The following GPC5 variants were observed in gnomAD, a reference collection of about 807,000 sequenced individuals.
The protein encoded by GPC5 is glypican 5, also known as glypican-5.
Under a neutral mutation model 53.9 loss-of-function variants are expected in GPC5, and 47 were observed. The ratio of observed to expected loss-of-function variants is 0.87; its 90% CI spans 0.69 to 1.11. The LOEUF (loss-of-function observed/expected upper bound fraction) is 1.11. Among genes scored for constraint, GPC5 ranks in the 50% most tolerant of loss-of-function variants. The probability of loss-of-function intolerance (pLI) is 0.00; values close to 1 mark genes in which losing one functional copy is unlikely to be tolerated. For synonymous variants in GPC5, 286 were observed against 263.3 expected, an observed-to-expected ratio of 1.09 and a Z score of -0.84; for missense variants, 748 against 713.1, an observed-to-expected ratio of 1.05 and a Z score of -0.56.
At chr13:92,218,016 TG>T (rs1178229233) in intron 7 of GPC5, among the ~76,000 whole-genome samples, 1 of 150,854 alleles carries the variant, frequency 6.6e-6, no homozygotes, top group African/African-American at 2.4e-5. Flanking sequence ...CTCTAATTCT[TG>T]GGCTCCAGCG....
At chr13:92,263,515 T>C (rs77897789) in intron 7 of GPC5, among the ~76,000 whole-genome samples, 20 of 152,180 alleles carry the variant, frequency 1.3e-4, no homozygotes, top group Non-Finnish European at 2.2e-4. Context: ...CTAAGGATAA[T>C]ATTCCCTTCT....
In GPC5 at chr13:91,784,030, G is replaced by A. The variant is rs983744523; in HGVS notation, c.1280+27610G>A. ...GTCTATAGTGTGGATATAATTTTTA[G>A]GAAGTACTTTAAAACAGAGATATAT... On this transcript the variant is annotated intron_variant, in intron 5 of 7. Coordinates refer to ENST00000377067, the MANE Select transcript of GPC5 (RefSeq NM_004466.6). Among the ~76,000 whole-genome samples the A allele has an allele frequency of 2.1e-4, 32 of 152,204 alleles. No individual in the cohort carries two copies. In the South Asian group the frequency reaches 3.9e-3, roughly 19 times the overall value.
intron 6 of GPC5, among the ~76,000 whole-genome samples, chr13:92,133,784 G>C (rs986586600): frequency 6.6e-6 from 1 of 152,062 alleles, no homozygotes; most frequent in Non-Finnish European, 1.5e-5. Flanking sequence ...GTCATAAAGC[G>C]AAAAGGCAAG....
chr13:91,936,217 A>G lies in GPC5; in HGVS notation c.1401+28160A>G, dbSNP rs141845161. On this transcript the variant is annotated intron_variant, in intron 6 of 7. Transcript: ENST00000377067. The stretch of plus-strand genomic sequence containing the variant: ...AACCAACCAATAAACCTAGGTCACA[A>G]GCTTTGCACTGAAGAGTGACTCAAG... 1.1e-4 allele frequency among the ~76,000 whole-genome samples: 16 copies of G among 152,166 alleles called. No individual in the cohort carries two copies. In the East Asian group the frequency reaches 3.1e-3, roughly 29 times the overall value.
rs536026747 is a variant in GPC5, at chr13:92,741,945, T to C, written c.1562-124337T>C. Among the ~76,000 whole-genome samples, 538 of 152,270 alleles carry C rather than the reference T, an allele frequency of 3.5e-3. 1 individual carries two copies. The highest frequency in any genetic ancestry group is 6.0e-3 in the Non-Finnish European group (409 of 68,020). On this transcript the variant is annotated intron_variant, in intron 7 of 7. Transcript: ENST00000377067. ...CTTTTTATGGCTGCATAGTATTCCA[T>C]GGTGTATATGTGCCACATTTTCTTA...
intron 5 of GPC5, among the ~76,000 whole-genome samples, chr13:91,871,771 C>A (rs2138932106): frequency 6.6e-6 from 1 of 151,634 alleles, no homozygotes; most frequent in East Asian, 1.9e-4. Flanking sequence ...CTTCGTTTTC[C>A]TTTACACAGT....
At chr13:92,552,144 C>G (rs1882339695) in intron 7 of GPC5, among the ~76,000 whole-genome samples, 1 of 151,784 alleles carries the variant, frequency 6.6e-6, no homozygotes, top group African/African-American at 2.4e-5. Flanking sequence ...CGTGGAAATA[C>G]TAATTTAAAG....
intron 7 of GPC5, among the ~76,000 whole-genome samples, chr13:92,714,884 G>T (rs1203510492): frequency 6.6e-6 from 1 of 152,112 alleles, no homozygotes; most frequent in East Asian, 1.9e-4. Context: ...TGGCCAAGGT[G>T]ATGAAACCCA....
At chr13:91,767,298 G>A (rs1409482580) in intron 5 of GPC5, among the ~76,000 whole-genome samples, 1 of 152,196 alleles carries the variant, frequency 6.6e-6, no homozygotes, top group East Asian at 1.9e-4. Context: ...CTCCAAACTG[G>A]AGAGTGATAG....
chr13:92,623,216 G>A (rs1884933546), intron 7 of GPC5, among the ~76,000 whole-genome samples: 1 of 151,938 alleles, frequency 6.6e-6, no homozygotes, highest in African/African-American at 2.4e-5. Context: ...CAGAAAAAAT[G>A]TTTAGGTAAA....
intron 7 of GPC5, among the ~76,000 whole-genome samples, chr13:92,663,279 A>C (rs1269657894): frequency 6.6e-6 from 1 of 152,056 alleles, no homozygotes; most frequent in Non-Finnish European, 1.5e-5. Context: ...AAGAACATGA[A>C]ATTTTTCAGG....
intron 6 of GPC5, among the ~76,000 whole-genome samples, chr13:92,120,188 G>A (rs1276881795): frequency 6.6e-6 from 1 of 152,156 alleles, no homozygotes; most frequent in Non-Finnish European, 1.5e-5. Flanking sequence ...AAAAGCAGCA[G>A]TAAGTAAACT....
intron 7 of GPC5, among the ~76,000 whole-genome samples, chr13:92,465,761 A>C (rs922175903): frequency 3.9e-5 from 6 of 152,202 alleles, no homozygotes; most frequent in Non-Finnish European, 8.8e-5. Context: ...TACTGACAGC[A>C]GTGCAGGTTT....
intron 6 of GPC5, among the ~76,000 whole-genome samples, chr13:92,010,344 G>C (rs2040649705): frequency 6.6e-6 from 1 of 152,118 alleles, no homozygotes; most frequent in South Asian, 2.1e-4. Context: ...TTTCTAATAT[G>C]TAGGACAGTA....
intron 7 of GPC5, among the ~76,000 whole-genome samples, chr13:92,401,986 A>C (rs1005769421): frequency 2.0e-5 from 3 of 152,136 alleles, no homozygotes; most frequent in African/African-American, 7.2e-5. Context: ...TAAAAGAAAA[A>C]GTTTTTAATA....
intron 7 of GPC5, among the ~76,000 whole-genome samples, chr13:92,657,107 T>C (rs1886162785): frequency 6.6e-6 from 1 of 152,246 alleles, no homozygotes; most frequent in African/African-American, 2.4e-5. Flanking sequence ...TGAATAGTCT[T>C]TGCTCTCATT....
intron 2 of GPC5, among the ~76,000 whole-genome samples, chr13:91,481,107 GCT>G (rs1210116347): frequency 6.6e-6 from 1 of 151,952 alleles, no homozygotes; most frequent in East Asian, 1.9e-4. Context: ...CAAACATCTG[GCT>G]CTCTCTGCCA....
intron 7 of GPC5, among the ~76,000 whole-genome samples, chr13:92,293,387 G>C (rs554608529): frequency 3.4e-4 from 47 of 138,074 alleles, no homozygotes; most frequent in African/African-American, 1.2e-3. Flanking sequence ...TCACCTCTTT[G>C]GTTAGGTATA....
intron 7 of GPC5, among the ~76,000 whole-genome samples, chr13:92,744,859 G>C (rs1207952427): frequency 1.3e-5 from 2 of 151,960 alleles, no homozygotes; most frequent in Non-Finnish European, 2.9e-5. Flanking sequence ...TGGCCAGATG[G>C]ATAGATAGGT....
Sources: allele counts gnomAD v4.1 joint callset (sites outside exome capture counted in the v4.1 genomes callset), GRCh38; gene constraint gnomAD v4.1.1; transcripts MANE v1.5; gene names NCBI Gene and HGNC (gene_info 2026-07-23, HGNC 2026-07-21).